ATP8B1: variants seen among roughly 807,000 people sequenced by gnomAD.
ATP8B1 encodes phospholipid-transporting ATPase IC.
ATP8B1 carries 80 observed loss-of-function variants against 149.9 expected under a neutral mutation model. That is an observed-to-expected ratio of 0.53 (90% confidence interval 0.45 to 0.64). The LOEUF (loss-of-function observed/expected upper bound fraction) is 0.64, where lower values mean the gene tolerates loss of function less well. ATP8B1 is among the 30% of genes least tolerant of loss of function. ATP8B1 has a pLI of 0.00. For missense variants in ATP8B1, 1,247 were observed against 1,552.6 expected, an observed-to-expected ratio of 0.80 and a Z score of 3.31; for synonymous variants, 536 against 562.8, an observed-to-expected ratio of 0.95 and a Z score of 0.67.
chr18:57,735,926 T>TTC (rs2079847930), intron 1 of ATP8B1, among the ~76,000 whole-genome samples: 1 of 152,132 alleles, frequency 6.6e-6, no homozygotes, highest in Non-Finnish European at 1.5e-5. Context: ...TTTTAAGCCC[T>TTC]GCATGCATTA....
chr18:57,704,384 C>A (rs1033572454), intron 4 of ATP8B1, among the ~76,000 whole-genome samples, 171 bp downstream of exon 4: 3 of 152,184 alleles, frequency 2.0e-5, no homozygotes, highest in Non-Finnish European at 4.4e-5. Flanking sequence ...TTTCCCTGTT[C>A]ATATAACACT....
At chr18:57,770,030 G>A (rs1599219401) in intron 1 of ATP8B1, among the ~76,000 whole-genome samples, 1 of 150,750 alleles carries the variant, frequency 6.6e-6, no homozygotes, top group African/African-American at 2.4e-5. Flanking sequence ...CCAGCATCCT[G>A]CTCATAAAAC....
intron 1 of ATP8B1, among the ~76,000 whole-genome samples, chr18:57,773,476 C>T (rs563727487): frequency 6.0e-4 from 91 of 152,276 alleles, no homozygotes; most frequent in Middle Eastern, 3.4e-3. Flanking sequence ...AGTTTCTAGC[C>T]TTAGCAACTG....
At chr18:57,746,842 A>G (rs1287837709) in intron 1 of ATP8B1, among the ~76,000 whole-genome samples, 2 of 152,150 alleles carry the variant, frequency 1.3e-5, no homozygotes, top group Non-Finnish European at 2.9e-5. Context: ...AAATGGTAGC[A>G]TGGAAGTGGG....
chr18:57,703,566 AAC>A, intron 4 of ATP8B1, among the ~76,000 whole-genome samples: 2 of 128,884 alleles, frequency 1.6e-5, no homozygotes, highest in East Asian at 2.3e-4. Context: ...ACAAGAGCGA[AAC>A]ACGGTCTCAA....
intron 16 of ATP8B1, among the ~76,000 whole-genome samples, chr18:57,672,942 TAC>T (rs1433120451): frequency 0.041 from 3,592 of 88,484 alleles, 378 homozygotes; most frequent in Non-Finnish European, 0.056. Flanking sequence ...AACATGTATA[TAC>T]ACATATATAC....
At chr18:57,731,111 T>C (rs1040767440) in intron 2 of ATP8B1, among the ~76,000 whole-genome samples, 31 of 151,486 alleles carry the variant, frequency 2.0e-4, no homozygotes, top group African/African-American at 7.0e-4. Context: ...CTGGGCAACA[T>C]AGTGAAATAC....
At chr18:57,684,364 C>A (rs947342338) in intron 14 of ATP8B1, among the ~76,000 whole-genome samples, 172 bp from the exon 15 acceptor site, 1 of 151,166 alleles carries the variant, frequency 6.6e-6, no homozygotes, top group African/African-American at 2.5e-5. Flanking sequence ...AAAAGCTCCC[C>A]CCCTTTTTTT....
intron 1 of ATP8B1, among the ~76,000 whole-genome samples, chr18:57,757,847 T>A (rs1362479050): frequency 6.6e-6 from 1 of 152,174 alleles, no homozygotes; most frequent in African/African-American, 2.4e-5. Context: ...ATGGAGCATA[T>A]CTCATAGAAT....
Position 57,743,230 on chromosome 18 carries a change from C to T in ATP8B1, c.-25-11398G>A, listed in dbSNP as rs556438327. ...ATTCAGGCCCTTTCCACACATATCC[C>T]AGCTCTGTGCTCTCTGTGGTACAGT... On this transcript the variant is annotated intron_variant, in intron 1 of 27. Coordinates refer to ENST00000648908, the MANE Select transcript of ATP8B1 (RefSeq NM_001374385.1). 2.0e-5 allele frequency among the ~76,000 whole-genome samples: 3 copies of T among 152,168 alleles called. No homozygotes were observed. The South Asian group carries it at 6.3e-4, about 32-fold the overall frequency.
At chr18:57,713,955 C>A (rs72946015) in intron 2 of ATP8B1, among the ~76,000 whole-genome samples, 17,261 of 152,036 alleles carry the variant, frequency 0.11, 1,337 homozygotes, top group South Asian at 0.27. Context: ...ACCTTGGCCA[C>A]AGTGGGGTAA....
At chr18:57,791,824 C>A (rs1162749857) in intron 1 of ATP8B1, among the ~76,000 whole-genome samples, 2 of 152,052 alleles carry the variant, frequency 1.3e-5, no homozygotes, top group African/African-American at 4.8e-5. Flanking sequence ...GATTATAATT[C>A]TAATATCAAG....
intron 14 of ATP8B1, among the ~76,000 whole-genome samples, chr18:57,684,757 A>C (rs1912148518): frequency 6.6e-6 from 1 of 152,228 alleles, no homozygotes; most frequent in Non-Finnish European, 1.5e-5. Context: ...GGGTCTTTAC[A>C]GATGTAATCA....
intron 2 of ATP8B1, among the ~76,000 whole-genome samples, chr18:57,713,660 T>G (rs1913847092): frequency 6.6e-6 from 1 of 151,410 alleles, no homozygotes; most frequent in Non-Finnish European, 1.5e-5. Flanking sequence ...TTGGCTAATT[T>G]TGTATTTTTA....
At chr18:57,793,250 C>T (rs577938510) in intron 1 of ATP8B1, among the ~76,000 whole-genome samples, 8 of 152,248 alleles carry the variant, frequency 5.3e-5, no homozygotes, top group Admixed American at 2.0e-4. Flanking sequence ...GTTGGCATTT[C>T]GATCTATCAA....
At chr18:57,672,934 C>A (rs9954776) in intron 16 of ATP8B1, among the ~76,000 whole-genome samples, 7,017 of 22,716 alleles carry the variant, frequency 0.31, 680 homozygotes, top group Non-Finnish European at 0.38. Flanking sequence ...ATATATATAA[C>A]ATGTATATAC....
At chr18:57,655,600 A>T (rs569194977) in intron 22 of ATP8B1, among the ~76,000 whole-genome samples, 183 bp from the exon 23 acceptor site, 1 of 152,378 alleles carries the variant, frequency 6.6e-6, no homozygotes, top group Admixed American at 6.5e-5. Context: ...AGTCTGAGTT[A>T]CAAGTTGCTA....
At position 57,743,123 on chromosome 18, in the gene ATP8B1, G is replaced by A. The variant is rs578010191; in HGVS notation, c.-25-11291C>T. ...TCATGGAATTATGCTGAGGCATGTC[G>A]CCAGGCAATGTCATTACCTTCTTAC... On this transcript the variant is annotated intron_variant, in intron 1 of 27. Coordinates refer to ENST00000648908, the MANE Select transcript of ATP8B1 (RefSeq NM_001374385.1). 2.0e-4 allele frequency among the ~76,000 whole-genome samples: 30 copies of A among 152,230 alleles called. 1 individual carries two copies. In the South Asian group the frequency reaches 4.8e-3, roughly 24 times the overall value.
At chr18:57,687,622 T>G (rs1015941651) in intron 13 of ATP8B1, among the ~76,000 whole-genome samples, 1 of 152,188 alleles carries the variant, frequency 6.6e-6, no homozygotes, top group Non-Finnish European at 1.5e-5. Flanking sequence ...CATCCATTGA[T>G]GAACGCTTGG....
Sources: allele counts gnomAD v4.1 joint callset (sites outside exome capture counted in the v4.1 genomes callset), GRCh38; gene constraint gnomAD v4.1.1; transcripts MANE v1.5; gene names NCBI Gene and HGNC (gene_info 2026-07-23, HGNC 2026-07-21).